COL25A1: variants seen among roughly 807,000 people sequenced by gnomAD.
COL25A1 encodes the protein collagen alpha-1(XXV) chain.
COL25A1 carries 103 observed loss-of-function variants against 128.4 expected under a neutral mutation model. The ratio of observed to expected loss-of-function variants is 0.80; its 90% CI spans 0.68 to 0.94. The LOEUF (loss-of-function observed/expected upper bound fraction) is 0.94. COL25A1 is among the 40% of genes least tolerant of loss of function. The pLI is 0.00. For synonymous variants in COL25A1, 279 were observed against 277.2 expected (o/e 1.01, Z -0.06); for missense variants, 745 against 840.0 (o/e 0.89, Z 1.40).
chr4:109,084,093 GA>G (rs1483010701), intron 3 of COL25A1, among the ~76,000 whole-genome samples: 1 of 152,234 alleles, frequency 6.6e-6, no homozygotes. Flanking sequence ...TCCTGAAGCA[GA>G]ACTTAGAGCT....
chr4:108,936,154 G>C (rs893253053), intron 11 of COL25A1, among the ~76,000 whole-genome samples: 2 of 152,120 alleles, frequency 1.3e-5, no homozygotes, highest in Non-Finnish European at 2.9e-5. Context: ...ACCACTGAGA[G>C]CTAATGCTGC....
chr4:109,297,862 C>CTTTTTTTTT (rs35099153), intron 3 of COL25A1, among the ~76,000 whole-genome samples: 11 of 63,858 alleles, frequency 1.7e-4, no homozygotes, highest in Admixed American at 2.4e-4. Context: ...TTTTCCTTTT[C>CTTTTTTTTT]TTTTTTTTTT....
intron 3 of COL25A1, among the ~76,000 whole-genome samples, chr4:109,101,097 A>C (rs944380040): frequency 1.3e-5 from 2 of 152,172 alleles, no homozygotes; most frequent in Non-Finnish European, 2.9e-5. Flanking sequence ...ATAGGACACA[A>C]CTCAAAACTT....
intron 6 of COL25A1, among the ~76,000 whole-genome samples, chr4:108,980,177 T>G (rs758058800): frequency 6.6e-6 from 1 of 152,200 alleles, no homozygotes; most frequent in Non-Finnish European, 1.5e-5. Flanking sequence ...GTGTGCTCTG[T>G]TTTGTGGAAC....
At chr4:109,269,522 T>G (rs1328791736) in intron 3 of COL25A1, among the ~76,000 whole-genome samples, 54 of 149,814 alleles carry the variant, frequency 3.6e-4, no homozygotes, top group Non-Finnish European at 6.3e-4. Context: ...ACTTCCACAA[T>G]GGTTGAACTA....
chr4:108,879,794 T>C (rs909224003), intron 19 of COL25A1, among the ~76,000 whole-genome samples: 1 of 151,250 alleles, frequency 6.6e-6, no homozygotes, highest in African/African-American at 2.4e-5. Context: ...AAAATCTATA[T>C]TTATTTATTT....
chr4:109,183,494 C>G lies in COL25A1; in HGVS notation c.367+117089G>C, dbSNP rs545112298. Among the ~76,000 whole-genome samples, 39 of 152,252 alleles carry G rather than the reference C, an allele frequency of 2.6e-4. 1 individual carries two copies. Among genetic ancestry groups the G allele is most frequent in the African/African-American group, 8.7e-4 (36 of 41,562 alleles). On this transcript the variant is annotated intron_variant, in intron 3 of 37. Coordinates refer to ENST00000399132, the MANE Select transcript of COL25A1 (RefSeq NM_198721.4). ...TACAAGCTTGCCTGACTTATCTGTG[C>G]TTTTCTCTTTCTTCTTCCCATACTC...
At chr4:109,062,009 T>A (rs1049840376) in intron 3 of COL25A1, among the ~76,000 whole-genome samples, 2 of 152,190 alleles carry the variant, frequency 1.3e-5, no homozygotes, top group African/African-American at 2.4e-5. Flanking sequence ...ACAGAATTTT[T>A]AAAATTATCA....
intron 8 of COL25A1, among the ~76,000 whole-genome samples, chr4:108,956,285 T>C (rs1264634997): frequency 6.6e-6 from 1 of 152,202 alleles, no homozygotes; most frequent in Non-Finnish European, 1.5e-5. Context: ...TTGAGAAATC[T>C]GAACTGAAAA....
intron 20 of COL25A1, among the ~76,000 whole-genome samples, chr4:108,868,159 C>T (rs1024603437): frequency 3.9e-5 from 6 of 152,112 alleles, no homozygotes; most frequent in African/African-American, 1.4e-4. Flanking sequence ...AGTTCTATCT[C>T]TCCTCCTCAG....
At chr4:109,022,324 G>T (rs1757855041) in intron 5 of COL25A1, 1 of 333,856 alleles carries the variant, frequency 3.0e-6, no homozygotes, top group Non-Finnish European at 6.0e-6. Context: ...CACGATCCAT[G>T]ATATCAACCA....
chr4:109,066,097 C>T (rs1762426398), intron 3 of COL25A1, among the ~76,000 whole-genome samples: 1 of 152,092 alleles, frequency 6.6e-6, no homozygotes, highest in Non-Finnish European at 1.5e-5. Flanking sequence ...CTCAGTGAAG[C>T]TAAAATAGAC....
At chr4:108,817,526 T>C (rs959498833) in intron 36 of COL25A1, 91 bp from the exon 37 acceptor site, 143 of 1,242,128 alleles carry the variant, frequency 1.2e-4, no homozygotes, top group Non-Finnish European at 1.6e-4. Context: ...AAAATAAATT[T>C]CTACCCATTA....
Position 108,823,167 on chromosome 4 carries a change from T to C in COL25A1, c.1845+1007A>G, listed in dbSNP as rs576817752. On this transcript the variant is annotated intron_variant, in intron 35 of 37. Transcript: ENST00000399132. ...GTTCAAGAGAATTCATAAGGTTAAA[T>C]AGAGCAGGGACATAAATTAACCTGA... 5.3e-5 allele frequency among the ~76,000 whole-genome samples: 8 copies of C among 152,356 alleles called. 1 individual carries two copies. The East Asian group carries it at 1.5e-3, about 29-fold the overall frequency.
intron 30 of COL25A1, 64 bp downstream of exon 30, chr4:108,844,455 C>T (rs1212882333): frequency 1.9e-6 from 3 of 1,613,494 alleles, no homozygotes; most frequent in East Asian, 4.5e-5. Context: ...GGGATGTGTT[C>T]ATGTTCTCTC....
chr4:108,862,516 G>A lies in COL25A1; in HGVS notation c.1182C>T (p.Gly394=), dbSNP rs756947834. 30 of 1,611,572 alleles carry A rather than the reference G, an allele frequency of 1.9e-5. No homozygotes were observed. The highest frequency in any genetic ancestry group is 2.3e-5 in the Non-Finnish European group (27 of 1,177,906). The change falls in exon 22 of 38, where the codon GGC becomes GGT. Residue 394 remains glycine (G), a synonymous_variant. Transcript: ENST00000399132. ...GGTTACTGACCTTTGACCCCTTTGG[G>A]CCTCTAGTTCCTGATTCACCTTGTT... ...KGKQGESGTR[G]PKGSKGDRGE... is the part of the protein sequence containing the mutation.
chr4:109,194,677 A>C (rs1775882920), intron 3 of COL25A1, among the ~76,000 whole-genome samples: 1 of 152,176 alleles, frequency 6.6e-6, no homozygotes, highest in Non-Finnish European at 1.5e-5. Flanking sequence ...TTCTCATCAA[A>C]AGGAAGAATA....
intron 5 of COL25A1, chr4:109,021,827 A>G (rs1300261008): frequency 2.2e-6 from 1 of 446,718 alleles, no homozygotes; most frequent in South Asian, 1.6e-5. Flanking sequence ...TGCGGTTGAG[A>G]TAAGGACTGA....
chr4:109,227,159 C>T (rs1279411967), intron 3 of COL25A1, among the ~76,000 whole-genome samples: 2 of 151,936 alleles, frequency 1.3e-5, no homozygotes, highest in South Asian at 2.1e-4. Flanking sequence ...GAAATTTCTT[C>T]GTTTTTTGAG....
Sources: gnomAD v4.1 joint callset for allele counts (sites outside exome capture counted in the v4.1 genomes callset) on GRCh38, gnomAD v4.1.1 for gene constraint, MANE v1.5 for transcripts, NCBI Gene and HGNC (gene_info 2026-07-23, HGNC 2026-07-21) for gene names.